MOG: variants seen among roughly 807,000 people sequenced by gnomAD.
MOG encodes myelin oligodendrocyte glycoprotein, also known as myelin-oligodendrocyte glycoprotein.
A neutral mutation model predicts 35.9 loss-of-function variants in MOG; 20 were observed. The ratio of observed to expected loss-of-function variants is 0.56; its 90% CI spans 0.39 to 0.81. The LOEUF (loss-of-function observed/expected upper bound fraction) is 0.81, where lower values mean the gene tolerates loss of function less well. Ranked by LOEUF, MOG falls within the 30% of genes least tolerant of loss-of-function variation. The pLI, the probability that MOG is intolerant of heterozygous loss-of-function variation, is 0.00. For missense variants in MOG, 251 were observed against 301.0 expected (o/e 0.83, Z 1.23); for synonymous variants, 92 against 114.3 (o/e 0.80, Z 1.25).
Position 29,659,612 on chromosome 6 carries a change from T to C in MOG, c.382T>C (p.Phe128Leu). ...RFSDEGGFTC[F>L]FRDHSYQEEA... ...CTCAGATGAAGGAGGTTTCACCTGC[T>C]TCTTCCGAGATCATTCTTACCAAGA... Residue 128 changes from phenylalanine to leucine, a missense_variant, in exon 2 of 8, where the codon TTC becomes CTC. Phe to Leu is a conservative substitution (Grantham distance 22). Coordinates refer to ENST00000376917, the MANE Select transcript of MOG (RefSeq NM_206809.4). 6.2e-7 allele frequency: 1 copy of C among 1,613,110 alleles called. No individual in the cohort carries two copies. Among genetic ancestry groups the C allele is most frequent in the Non-Finnish European group, 8.5e-7 (1 of 1,180,016 alleles).
chr6:29,657,408 A>G, intron 1 of MOG, 111 bp downstream of exon 1: 1 of 850,812 alleles, frequency 1.2e-6, no homozygotes. Flanking sequence ...TCTTTCTAAA[A>G]CATAGACCTA....
At chr6:29,665,322 C>T (rs1339250813) in intron 2 of MOG, among the ~76,000 whole-genome samples, 1 of 151,890 alleles carries the variant, frequency 6.6e-6, no homozygotes, top group Non-Finnish European at 1.5e-5. Context: ...TCTTGAACTC[C>T]CAACCTCAGG....
rs1410124044 is a variant in MOG, at chr6:29,662,443, A to G, written c.436+2777A>G. Among the ~76,000 whole-genome samples the G allele has an allele frequency of 2.0e-5, 3 of 151,534 alleles. No homozygotes were observed. Among genetic ancestry groups the G allele is most frequent in the Non-Finnish European group, 1.5e-5 (1 of 67,910 alleles). On this transcript the variant is annotated intron_variant, in intron 2 of 7. Coordinates refer to ENST00000376917, the MANE Select transcript of MOG (RefSeq NM_206809.4). The surrounding 1 kb of genome is among the most constrained non-coding windows in gnomAD (Gnocchi z 4.2). ...GGTTGCGGTGAGCCAAGATCGCGCCATTGCACTCCAGCCTGGGCAACAAGA... is the reference window on the plus strand; with the variant it reads ...GGTTGCGGTGAGCCAAGATCGCGCCGTTGCACTCCAGCCTGGGCAACAAGA...
chr6:29,662,147 A>G lies in MOG; in HGVS notation c.436+2481A>G, dbSNP rs1445289491. 1 of 984,692 alleles carries G rather than the reference A, an allele frequency of 1.0e-6. No homozygotes were observed. Among genetic ancestry groups the G allele is most frequent in the Admixed American group, 6.2e-5 (1 of 16,234 alleles). The allele number at this position is 984,692 out of a possible 1,614,324, so 61.0% of individuals were successfully genotyped here. A position where few individuals can be genotyped will look rare whatever the true frequency, so the allele number is the denominator to read the frequency against. On this transcript the variant is annotated intron_variant, in intron 2 of 7. Coordinates refer to ENST00000376917, the MANE Select transcript of MOG (RefSeq NM_206809.4). This position sits in a 1 kb window ranked among gnomAD's most constrained non-coding sequence, Gnocchi z 4.2. ...TTCTTGTCATTTTTGTGATTTTATT[A>G]CTAGTTGTCTCTAATCCTTTCTTTA...
At chr6:29,667,880 C>T in intron 4 of MOG, 24 bp from the exon 5 acceptor site, 2 of 1,613,710 alleles carry the variant, frequency 1.2e-6, no homozygotes, top group Non-Finnish European at 1.7e-6. Context: ...CTACTAAATC[C>T]ATTTCCATTT....
chr6:29,671,347 T>G lies in MOG; in HGVS notation c.*162T>G. On this transcript the variant is annotated 3_prime_UTR_variant, in exon 8 of 8. Transcript: ENST00000376917. ...ACTCTGAATTCCAAGTAGAATTGATTTCCCTTCTTCTGTCATCTACCTTTT... is the reference window on the plus strand; with the variant it reads ...ACTCTGAATTCCAAGTAGAATTGATGTCCCTTCTTCTGTCATCTACCTTTT... The G allele has an allele frequency of 2.5e-6, 4 of 1,611,880 alleles. No homozygotes were observed. The highest frequency in any genetic ancestry group is 3.4e-6 in the Non-Finnish European group (4 of 1,179,600).
At chr6:29,665,079 A>C (rs1769889082) in intron 2 of MOG, among the ~76,000 whole-genome samples, 1 of 151,862 alleles carries the variant, frequency 6.6e-6, no homozygotes, top group South Asian at 2.1e-4. Flanking sequence ...GTGACGTGAA[A>C]ATATTTGTGA....
intron 2 of MOG, among the ~76,000 whole-genome samples, chr6:29,660,247 C>A (rs986826289): frequency 6.6e-6 from 1 of 151,842 alleles, no homozygotes; most frequent in South Asian, 2.1e-4. Context: ...TTGGGCCCAG[C>A]GCCGTGGCTC....
Position 29,659,564 on chromosome 6 carries a change from C to T in MOG, c.334C>T (p.Leu112Phe), listed in dbSNP as rs777633686. ...TGCTATTGGTGAGGGAAAGGTGACTCTCAGGATCCGGAATGTAAGGTTCTC... is the reference window on the plus strand; with the variant it reads ...TGCTATTGGTGAGGGAAAGGTGACTTTCAGGATCCGGAATGTAAGGTTCTC... ...KDAIGEGKVT[L>F]RIRNVRFSDE... The change falls in exon 2 of 8, where the codon CTC becomes TTC. Residue 112 changes from leucine to phenylalanine, a missense_variant. Leu to Phe is a conservative substitution (Grantham distance 22). Transcript: ENST00000376917. The T allele has an allele frequency of 4.3e-6, 7 of 1,612,934 alleles. No homozygotes were observed. The highest frequency in any genetic ancestry group is 5.9e-6 in the Non-Finnish European group (7 of 1,180,034).
intron 1 of MOG, among the ~76,000 whole-genome samples, chr6:29,659,036 TGGGAGGCGGAGGTTGCA>T (rs1220229232): frequency 1.3e-5 from 2 of 151,872 alleles, no homozygotes; most frequent in African/African-American, 2.4e-5. Flanking sequence ...CACTTGAACC[TGGGAGGCGGAGGTTGCA>T]GGGAGGCGGA....
At position 29,670,028 on chromosome 6, in the gene MOG, CAG is replaced by C. The variant is rs1771112974; in HGVS notation, c.593-250_593-249del. 1.4e-6 allele frequency: 1 copy of C among 729,694 alleles called. No homozygotes were observed. Among genetic ancestry groups the C allele is most frequent in the Non-Finnish European group, 2.5e-6 (1 of 402,372 alleles). The allele number at this position is 729,694 out of a possible 1,614,324, so 45.2% of individuals were successfully genotyped here. On this transcript the variant is annotated intron_variant, in intron 5 of 7. Transcript: ENST00000376917. This position sits in a 1 kb window ranked among gnomAD's most constrained non-coding sequence, Gnocchi z 4.2. ...TCATGATCCACCCGTCTCGGACTCCCAGAGTGTTGGGATTACAGGCATGAGCC... is the reference window on the plus strand; with the variant it reads ...TCATGATCCACCCGTCTCGGACTCCCAGTGTTGGGATTACAGGCATGAGCC...
chr6:29,661,828 A>C (rs1405051341), intron 2 of MOG: 2 of 984,696 alleles, frequency 2.0e-6, no homozygotes. Context: ...AAAAAAAAAA[A>C]AAAAAAAAAA....
chr6:29,668,953 GT>G (rs1247998821), intron 5 of MOG, among the ~76,000 whole-genome samples: 1 of 148,836 alleles, frequency 6.7e-6, no homozygotes, highest in African/African-American at 2.5e-5. Context: ...TTGAGGCAGA[GT>G]TTTGCTCTTG....
At chr6:29,666,682 T>C (rs1268110968) in intron 3 of MOG, among the ~76,000 whole-genome samples, 2 of 152,172 alleles carry the variant, frequency 1.3e-5, no homozygotes, top group African/African-American at 4.8e-5. Context: ...TGAATAAAGA[T>C]ACTGAAGTGA....
At position 29,671,361 on chromosome 6, in the gene MOG, C is replaced by A. The variant is rs1771421344; in HGVS notation, c.*176C>A. On this transcript the variant is annotated 3_prime_UTR_variant, in exon 8 of 8. Coordinates refer to ENST00000376917, the MANE Select transcript of MOG (RefSeq NM_206809.4). The stretch of plus-strand genomic sequence containing the variant: ...GTAGAATTGATTTCCCTTCTTCTGT[C>A]ATCTACCTTTTCTCTTCATTTTCCC... 2 of 1,611,934 alleles carry A rather than the reference C, an allele frequency of 1.2e-6. No homozygotes were observed. The highest frequency in any genetic ancestry group is 1.7e-5 in the Admixed American group (1 of 59,996).
At chr6:29,657,788 C>T (rs529151841) in intron 1 of MOG, among the ~76,000 whole-genome samples, 2 of 149,460 alleles carry the variant, frequency 1.3e-5, no homozygotes, top group African/African-American at 5.0e-5. Context: ...GGATTATGGG[C>T]GTGAGCCACT....
rs967406191 is a variant in MOG at position 29,662,267 on chromosome 6, C to T, written c.436+2601C>T. On this transcript the variant is annotated intron_variant, in intron 2 of 7. Coordinates refer to ENST00000376917, the MANE Select transcript of MOG (RefSeq NM_206809.4). The surrounding 1 kb of genome is among the most constrained non-coding windows in gnomAD (Gnocchi z 4.2). ...GGGAGGCCGAAGCGGGCAGATCACC[C>T]GAGGTCAGGAGTTCGAGACCAGCCT... 1.4e-6 allele frequency: 1 copy of T among 740,716 alleles called. No individual in the cohort carries two copies. Among genetic ancestry groups the T allele is most frequent in the Non-Finnish European group, 1.6e-6 (1 of 607,232 alleles). The allele number at this position is 740,716 out of a possible 1,614,324, so 45.9% of individuals were successfully genotyped here.
At chr6:29,661,779 A>ACAC (rs1426948150) in intron 2 of MOG, 1 of 970,060 alleles carries the variant, frequency 1.0e-6, no homozygotes. Flanking sequence ...TCGTGCCATT[A>ACAC]CACTCCAGTC....
chr6:29,662,100 T>C lies in MOG; in HGVS notation c.436+2434T>C, dbSNP rs544417511. On this transcript the variant is annotated intron_variant, in intron 2 of 7. Transcript: ENST00000376917. The surrounding 1 kb of genome is among the most constrained non-coding windows in gnomAD (Gnocchi z 4.2). ...TGCTCTTTCTCTGAAGAGTTTCTAA[T>C]TTCTCTTGTTTACTTATTTTTTTCT... is the stretch of plus-strand genomic sequence containing the variant. The C allele has an allele frequency of 3.0e-6, 3 of 985,298 alleles. No individual in the cohort carries two copies. Among genetic ancestry groups the C allele is most frequent in the African/African-American group, 3.5e-5 (2 of 57,368 alleles). The allele number at this position is 985,298 out of a possible 1,614,324, so 61.0% of individuals were successfully genotyped here.
Sources: gnomAD v4.1 joint callset for allele counts (sites outside exome capture counted in the v4.1 genomes callset) on GRCh38, gnomAD v4.1.1 for gene constraint, Gnocchi (gnomAD v3.1) non-coding constraint, MANE v1.5 for transcripts, NCBI Gene and HGNC (gene_info 2026-07-23, HGNC 2026-07-21) for gene names.